Variants in CUL3 observed in about 807,000 individuals in gnomAD.
The protein encoded by CUL3 is cullin 3.
Under a neutral mutation model 89.1 loss-of-function variants are expected in CUL3, and 19 were observed. The observed-to-expected ratio is 0.21, with a 90% CI of 0.15 to 0.31. The LOEUF (loss-of-function observed/expected upper bound fraction) is 0.31, where lower values mean the gene tolerates loss of function less well. CUL3 is among the 10% of genes least tolerant of loss of function. CUL3 has a pLI of 1.00. For missense variants in CUL3, 469 were observed against 942.3 expected, an observed-to-expected ratio of 0.50 and a Z score of 6.58; for synonymous variants, 351 against 308.4, an observed-to-expected ratio of 1.14 and a Z score of -1.45.
At chr2:224,582,740 G>C (rs1419962250) in intron 1 of CUL3, among the ~76,000 whole-genome samples, 1 of 152,134 alleles carries the variant, frequency 6.6e-6, no homozygotes, top group Non-Finnish European at 1.5e-5. Flanking sequence ...AAGGAATAAT[G>C]AAATTCTCTC....
At chr2:224,546,070 C>T (rs1694280790) in intron 2 of CUL3, among the ~76,000 whole-genome samples, 1 of 151,992 alleles carries the variant, frequency 6.6e-6, no homozygotes, top group African/African-American at 2.4e-5. Context: ...GAAAGGAATG[C>T]AGAAAGAAAA....
chr2:224,503,531 CCTTT>C, intron 9 of CUL3, 117 bp downstream of exon 9: 1 of 844,872 alleles, frequency 1.2e-6, no homozygotes, highest in Non-Finnish European at 1.7e-6. Flanking sequence ...AAACAATCTA[CCTTT>C]ATTTCTAGAA....
At chr2:224,573,094 C>T (rs1695219845) in intron 1 of CUL3, among the ~76,000 whole-genome samples, 1 of 152,162 alleles carries the variant, frequency 6.6e-6, no homozygotes, top group African/African-American at 2.4e-5. Context: ...TTTCATGTTG[C>T]ATTTGCGTAC....
At chr2:224,538,203 T>C (rs776155378) in intron 2 of CUL3, among the ~76,000 whole-genome samples, 6 of 152,214 alleles carry the variant, frequency 3.9e-5, no homozygotes, top group Non-Finnish European at 7.3e-5. Flanking sequence ...ATGCCTTAGA[T>C]ACACTGCTGC....
At position 224,511,448 on chromosome 2, in the gene CUL3, C is replaced by A. The variant is rs746374024; in HGVS notation, c.789G>T (p.Val263=). Residue 263 remains valine (V), a synonymous_variant, in exon 6 of 16, where the codon GTG becomes GTT. Coordinates refer to ENST00000264414, the MANE Select transcript of CUL3 (RefSeq NM_003590.5). ...DKSTEEPIVK[V]VERELISKHM... ...GCTTGGAAATGAGTTCCCTTTCAAC[C>A]ACCTTTACAATTGGTTCTTCCGTTG... 1 of 1,613,874 alleles carries A rather than the reference C, an allele frequency of 6.2e-7. No individual in the cohort carries two copies. Among genetic ancestry groups the A allele is most frequent in the East Asian group, 2.2e-5 (1 of 44,808 alleles).
chr2:224,508,680 C>A (rs551618631), intron 6 of CUL3, among the ~76,000 whole-genome samples: 1 of 152,100 alleles, frequency 6.6e-6, no homozygotes, highest in Admixed American at 6.5e-5. Context: ...AAGATACTGG[C>A]GAGACACGGT....
chr2:224,496,944 C>T (rs1480664486), intron 12 of CUL3, among the ~76,000 whole-genome samples: 3 of 152,184 alleles, frequency 2.0e-5, no homozygotes, highest in Admixed American at 6.5e-5. Context: ...GTCCTTCCCA[C>T]TTACACTTAA....
chr2:224,575,475 A>G (rs1156465451), intron 1 of CUL3, among the ~76,000 whole-genome samples: 1 of 152,192 alleles, frequency 6.6e-6, no homozygotes, highest in African/African-American at 2.4e-5. Context: ...AACTGGTAAC[A>G]TAGGTGGAAG....
chr2:224,496,484 C>A (rs1365720175), intron 12 of CUL3, among the ~76,000 whole-genome samples: 1 of 152,088 alleles, frequency 6.6e-6, no homozygotes, highest in Admixed American at 6.6e-5. Context: ...GTCCCTTGTC[C>A]CCCCATTGTG....
At chr2:224,522,628 C>T (rs1693309045) in intron 3 of CUL3, among the ~76,000 whole-genome samples, 2 of 152,114 alleles carry the variant, frequency 1.3e-5, no homozygotes, top group South Asian at 4.1e-4. Context: ...GAGATCGAGA[C>T]CATCCTGGCT....
At chr2:224,502,155 C>T (rs902316612) in intron 10 of CUL3, among the ~76,000 whole-genome samples, 3 of 152,116 alleles carry the variant, frequency 2.0e-5, no homozygotes, top group African/African-American at 7.2e-5. Flanking sequence ...CGTATTTTCA[C>T]GTATCTGGTT....
intron 2 of CUL3, among the ~76,000 whole-genome samples, chr2:224,551,758 A>C (rs1407719521): frequency 3.3e-5 from 5 of 152,182 alleles, no homozygotes; most frequent in African/African-American, 1.2e-4. Flanking sequence ...GTGCCTGAGA[A>C]TGTATGGCTC....
intron 2 of CUL3, among the ~76,000 whole-genome samples, chr2:224,548,329 C>T (rs1164295947): frequency 1.3e-5 from 2 of 152,200 alleles, no homozygotes; most frequent in Non-Finnish European, 1.5e-5. Context: ...GAAAGGTGAG[C>T]AGGATGAAGC....
chr2:224,574,700 AT>A (rs1437306037), intron 1 of CUL3, among the ~76,000 whole-genome samples: 1 of 152,200 alleles, frequency 6.6e-6, no homozygotes, highest in Non-Finnish European at 1.5e-5. Context: ...ATAGTTGAAA[AT>A]TTTGATTTTA....
chr2:224,493,928 A>C (rs1046292295), intron 13 of CUL3, among the ~76,000 whole-genome samples: 2 of 152,182 alleles, frequency 1.3e-5, no homozygotes, highest in East Asian at 3.8e-4. Context: ...AATCAAATAT[A>C]ACTCATGCTT....
intron 3 of CUL3, among the ~76,000 whole-genome samples, chr2:224,533,980 C>T (rs1693787197): frequency 6.6e-6 from 1 of 151,978 alleles, no homozygotes; most frequent in East Asian, 1.9e-4. Context: ...CTTTATTCTA[C>T]CAAGTAAAAG....
At chr2:224,500,870 C>T (rs1433743218) in intron 10 of CUL3, among the ~76,000 whole-genome samples, 1 of 151,986 alleles carries the variant, frequency 6.6e-6, no homozygotes, top group Non-Finnish European at 1.5e-5. Context: ...ATGATCTGCC[C>T]GTCTCAGCCT....
rs1331946215 is a variant in CUL3, at chr2:224,472,323, A to G, written c.*1922T>C. Reference sequence around the variant, plus strand: ...TTAATGTCTCACTTAGGAGATTTCAAATAAAGTTTTTACATCGCTCATGTT... The same window carrying G: ...TTAATGTCTCACTTAGGAGATTTCAGATAAAGTTTTTACATCGCTCATGTT... On this transcript the variant is annotated 3_prime_UTR_variant, in exon 16 of 16. Coordinates refer to ENST00000264414, the MANE Select transcript of CUL3 (RefSeq NM_003590.5). The G allele has an allele frequency of 4.7e-6, 1 of 212,754 alleles. No homozygotes were observed. The highest frequency in any genetic ancestry group is 9.5e-6 in the Non-Finnish European group (1 of 105,292). 13.2% of individuals were successfully genotyped at this position (212,754 alleles called of 1,614,324 possible). A position where few individuals can be genotyped will look rare whatever the true frequency, so the allele number is the denominator to read the frequency against.
At chr2:224,506,445 A>C (rs1388831614) in intron 7 of CUL3, among the ~76,000 whole-genome samples, 2 of 152,200 alleles carry the variant, frequency 1.3e-5, no homozygotes, top group African/African-American at 2.4e-5. Flanking sequence ...AAAATGTACC[A>C]AAAAAAGCTG....
Sources: allele counts gnomAD v4.1 joint callset (sites outside exome capture counted in the v4.1 genomes callset), GRCh38; gene constraint gnomAD v4.1.1; transcripts MANE v1.5; gene names NCBI Gene and HGNC (gene_info 2026-07-23, HGNC 2026-07-21).